LZTFL1: variants seen among roughly 807,000 people sequenced by gnomAD.
The protein encoded by LZTFL1 is leucine zipper transcription factor like 1, also known as leucine zipper transcription factor-like protein 1.
Under a neutral mutation model 45.9 loss-of-function variants are expected in LZTFL1, and 25 were observed. The ratio of observed to expected loss-of-function variants is 0.54; its 90% CI spans 0.40 to 0.76. LZTFL1 has a LOEUF of 0.76. Among genes scored for constraint, LZTFL1 ranks in the 30% least tolerant of loss-of-function variants. LZTFL1 has a pLI of 0.00. For synonymous variants in LZTFL1, 93 were observed against 117.4 expected (o/e 0.79, Z 1.35); for missense variants, 277 against 331.1 (o/e 0.84, Z 1.27).
intron 2 of LZTFL1, among the ~76,000 whole-genome samples, chr3:45,864,632 C>T (rs1182352290): frequency 6.6e-6 from 1 of 151,854 alleles, no homozygotes; most frequent in African/African-American, 2.4e-5. Flanking sequence ...AAGATTTAGC[C>T]CCCAGGTTAT....
intron 2 of LZTFL1, among the ~76,000 whole-genome samples, chr3:45,893,231 T>C (rs1702246419): frequency 6.6e-6 from 1 of 151,884 alleles, no homozygotes; most frequent in African/African-American, 2.4e-5. Context: ...CTTGGCTCAC[T>C]GCAACCTCTG....
intron 4 of LZTFL1, among the ~76,000 whole-genome samples, chr3:45,851,686 C>G (rs531103053): frequency 6.6e-6 from 1 of 152,044 alleles, no homozygotes; most frequent in South Asian, 2.1e-4. Context: ...TGGATTCCAA[C>G]CTTAAATTTT....
At chr3:45,890,279 T>TATTTATATATATAAC (rs1559421394) in intron 2 of LZTFL1, among the ~76,000 whole-genome samples, 1 of 75,770 alleles carries the variant, frequency 1.3e-5, no homozygotes, top group African/African-American at 6.0e-5. Flanking sequence ...AACATATATA[T>TATTTATATATATAAC]ATATTTATAT....
At chr3:45,857,486 A>G (rs1202968843) in intron 3 of LZTFL1, among the ~76,000 whole-genome samples, 1 of 152,208 alleles carries the variant, frequency 6.6e-6, no homozygotes. Context: ...ACTTGTGTAA[A>G]AAACCTGCAC....
At chr3:45,867,147 CAA>C (rs58937842) in intron 2 of LZTFL1, among the ~76,000 whole-genome samples, 385 of 63,238 alleles carry the variant, frequency 6.1e-3, no homozygotes, top group African/African-American at 0.014. Context: ...GACTCAATCT[CAA>C]AAAAAAAAAA....
At chr3:45,852,437 G>T (rs1166993620) in intron 4 of LZTFL1, among the ~76,000 whole-genome samples, 2 of 152,060 alleles carry the variant, frequency 1.3e-5, no homozygotes, top group Non-Finnish European at 2.9e-5. Context: ...CTCTTATGGG[G>T]GACTGACTAA....
intron 2 of LZTFL1, among the ~76,000 whole-genome samples, chr3:45,871,038 T>C (rs1475433781): frequency 6.6e-6 from 1 of 152,220 alleles, no homozygotes; most frequent in Non-Finnish European, 1.5e-5. Context: ...TAGATCCACA[T>C]TAAATCTTTT....
At chr3:45,830,509 T>C (rs1700785525) in intron 7 of LZTFL1, among the ~76,000 whole-genome samples, 1 of 151,990 alleles carries the variant, frequency 6.6e-6, no homozygotes, top group Admixed American at 6.6e-5. Flanking sequence ...AACCCAAATA[T>C]AAACCAATTA....
intron 2 of LZTFL1, among the ~76,000 whole-genome samples, chr3:45,871,563 A>G (rs1341869690): frequency 6.6e-6 from 1 of 152,238 alleles, no homozygotes; most frequent in Non-Finnish European, 1.5e-5. Flanking sequence ...TCTAAGAGAA[A>G]TTGCAAAAAG....
intron 2 of LZTFL1, among the ~76,000 whole-genome samples, chr3:45,860,419 T>A (rs1701466273): frequency 6.6e-6 from 1 of 151,882 alleles, no homozygotes; most frequent in African/African-American, 2.4e-5. Flanking sequence ...GACTTTGGAA[T>A]CCTAAGGTAA....
At chr3:45,850,247 T>A (rs1196696989) in intron 4 of LZTFL1, among the ~76,000 whole-genome samples, 1 of 152,220 alleles carries the variant, frequency 6.6e-6, no homozygotes, top group Non-Finnish European at 1.5e-5. Context: ...ATGAGATGCA[T>A]ACTATGATTA....
At chr3:45,867,169 A>C (rs981264727) in intron 2 of LZTFL1, among the ~76,000 whole-genome samples, 1 of 151,552 alleles carries the variant, frequency 6.6e-6, no homozygotes, top group Non-Finnish European at 1.5e-5. Flanking sequence ...AAAAAAAAAA[A>C]AACCCAAAAG....
chr3:45,893,304 A>G (rs1163877268), intron 2 of LZTFL1, among the ~76,000 whole-genome samples: 1 of 152,052 alleles, frequency 6.6e-6, no homozygotes, highest in Admixed American at 6.6e-5. Context: ...ACAGGCGCAC[A>G]CCACCACACC....
intron 4 of LZTFL1, among the ~76,000 whole-genome samples, chr3:45,849,414 T>A (rs565432937): frequency 3.9e-5 from 6 of 152,308 alleles, no homozygotes; most frequent in African/African-American, 1.4e-4. Context: ...AAGTCAATAT[T>A]GCCAAAATGT....
chr3:45,910,694 G>T (rs568225065), intron 2 of LZTFL1, among the ~76,000 whole-genome samples: 9 of 152,304 alleles, frequency 5.9e-5, no homozygotes, highest in Middle Eastern at 6.8e-3. Context: ...AATGTAAATG[G>T]ATCTCTTTTG....
At chr3:45,906,777 T>C (rs1357520566) in intron 2 of LZTFL1, among the ~76,000 whole-genome samples, 1 of 151,948 alleles carries the variant, frequency 6.6e-6, no homozygotes, top group Non-Finnish European at 1.5e-5. Context: ...TCACCGGAGG[T>C]GTGTGTGTGC....
chr3:45,909,242 A>T (rs1702741614), intron 2 of LZTFL1, among the ~76,000 whole-genome samples: 1 of 152,192 alleles, frequency 6.6e-6, no homozygotes. Flanking sequence ...TGCACAATAG[A>T]TGTAACATGC....
At chr3:45,897,667 C>G in intron 2 of LZTFL1, 1 of 1,431,700 alleles carries the variant, frequency 7.0e-7, no homozygotes, top group Non-Finnish European at 9.4e-7. Context: ...GCTGGCCTTC[C>G]CACCTGCCCC....
intron 4 of LZTFL1, among the ~76,000 whole-genome samples, chr3:45,847,703 T>C (rs1186080141): frequency 6.6e-6 from 1 of 152,212 alleles, no homozygotes; most frequent in Non-Finnish European, 1.5e-5. Context: ...GTGTTCACCT[T>C]TTTCCTTCAA....
Sources: allele counts gnomAD v4.1 joint callset (sites outside exome capture counted in the v4.1 genomes callset), GRCh38; gene constraint gnomAD v4.1.1; transcripts MANE v1.5; gene names NCBI Gene and HGNC (gene_info 2026-07-23, HGNC 2026-07-21).